The following RAB36 variants were observed in gnomAD, a reference collection of about 807,000 sequenced individuals.
The protein encoded by RAB36 is RAB36, member RAS oncogene family.
A neutral mutation model predicts 39.3 loss-of-function variants in RAB36; 33 were observed. The ratio of observed to expected loss-of-function variants is 0.84; its 90% CI spans 0.64 to 1.12. The LOEUF is 1.12. Ranked by LOEUF, RAB36 falls within the 50% of genes most tolerant of loss-of-function variation. The pLI is 0.00. For synonymous variants in RAB36, 133 were observed against 140.2 expected (o/e 0.95, Z 0.36); for missense variants, 308 against 355.3 (o/e 0.87, Z 1.07).
chr22:23,158,185 GAC>G, intron 7 of RAB36, 142 bp downstream of exon 7: 1 of 1,496,704 alleles, frequency 6.7e-7, no homozygotes, highest in East Asian at 2.3e-5. Context: ...GCTGCCCACG[GAC>G]TACTTACTGT....
chr22:23,166,156 A>G (rs2072048055), downstream of RAB36, among the ~76,000 whole-genome samples: 1 of 145,514 alleles, frequency 6.9e-6, no homozygotes, highest in Non-Finnish European at 1.5e-5. Flanking sequence ...TTAAAAAAAA[A>G]AAAAAAAAAA....
intron 6 of RAB36, 51 bp from the exon 7 acceptor site, chr22:23,157,941 T>TG: frequency 6.2e-7 from 1 of 1,611,864 alleles, no homozygotes; most frequent in Non-Finnish European, 8.5e-7. Flanking sequence ...GGAGCCCCCT[T>TG]GCTCGCCTCG....
chr22:23,160,296 C>T (rs139874688), intron 9 of RAB36, among the ~76,000 whole-genome samples: 7 of 152,222 alleles, frequency 4.6e-5, no homozygotes, highest in Non-Finnish European at 7.4e-5. Context: ...GTGAGTTCAC[C>T]GACAGCTCAC....
At chr22:23,155,470 T>C (rs1156676581) in intron 5 of RAB36, among the ~76,000 whole-genome samples, 1 of 152,174 alleles carries the variant, frequency 6.6e-6, no homozygotes, top group Non-Finnish European at 1.5e-5. Flanking sequence ...ATTGCTCCAG[T>C]GTTAGGTATC....
chr22:23,155,888 G>C, intron 5 of RAB36, 80 bp from the exon 6 acceptor site: 1 of 1,331,790 alleles, frequency 7.5e-7, no homozygotes, highest in Non-Finnish European at 1.0e-6. Flanking sequence ...TCCCACCCAT[G>C]GTCCCGTAGC....
chr22:23,168,176 C>T (rs1170349451), downstream of RAB36, among the ~76,000 whole-genome samples: 1 of 152,196 alleles, frequency 6.6e-6, no homozygotes, highest in Non-Finnish European at 1.5e-5. Flanking sequence ...CAGATGCCAG[C>T]CCGACCCCAT....
chr22:23,167,187 T>G (rs935554608), downstream of RAB36, among the ~76,000 whole-genome samples: 6 of 152,078 alleles, frequency 3.9e-5, no homozygotes, highest in Non-Finnish European at 5.9e-5. Context: ...TGGGGCTCAA[T>G]GTCTCTCAGT....
chr22:23,159,335 C>A, intron 9 of RAB36, 82 bp downstream of exon 9: 1 of 1,309,102 alleles, frequency 7.6e-7, no homozygotes, highest in South Asian at 1.4e-5. Context: ...TGCAGTGTTT[C>A]CCTCTGTAGC....
chr22:23,152,475 A>AGGT lies in RAB36; in HGVS notation c.186_188dup (p.Val63dup). On this transcript the variant is annotated inframe_insertion, in exon 4 of 11. Coordinates refer to ENST00000263116, the MANE Select transcript of RAB36 (RefSeq NM_004914.5). ...ATTTCTCACAGGCTCAAACTCTCCA[A>AGGT]GGTGGTGGTGGTTGGCGATCTCTAC... is the stretch of plus-strand genomic sequence containing the variant. The AGGT allele has an allele frequency of 6.2e-7, 1 of 1,614,174 alleles. No homozygotes were observed. The highest frequency in any genetic ancestry group is 8.5e-7 in the Non-Finnish European group (1 of 1,180,018).
Position 23,152,959 on chromosome 22 carries a change from G to A in RAB36, c.228-74G>A. On this transcript the variant is annotated intron_variant, in intron 4 of 10. Transcript: ENST00000263116. The stretch of plus-strand genomic sequence containing the variant: ...GTGGACCTTATTTGCCTAAAGACTT[G>A]CAGTGTTACAAGTGAAGCTTCCGGG... 4 of 1,054,030 alleles carry A rather than the reference G, an allele frequency of 3.8e-6. No homozygotes were observed. In the South Asian group the frequency reaches 5.2e-5, roughly 14 times the overall value. The allele number at this position is 1,054,030 out of a possible 1,614,324, so 65.3% of individuals were successfully genotyped here. A position where few individuals can be genotyped will look rare whatever the true frequency, so the allele number is the denominator to read the frequency against.
At position 23,161,611 on chromosome 22, in the gene RAB36, G is replaced by T; in HGVS notation, c.*47G>T. The T allele has an allele frequency of 6.7e-7, 1 of 1,485,622 alleles. No individual in the cohort carries two copies. The allele number at this position is 1,485,622 out of a possible 1,614,324, so 92.0% of individuals were successfully genotyped here. ...TCCGCTCCCTGCACACACACGGACA[G>T]GAATTTCCGTGACTGTGGTGTGGAG... is the stretch of plus-strand genomic sequence containing the variant. On this transcript the variant is annotated 3_prime_UTR_variant, in exon 11 of 11. Coordinates refer to ENST00000263116, the MANE Select transcript of RAB36 (RefSeq NM_004914.5).
chr22:23,152,482 G>A lies in RAB36; in HGVS notation c.183G>A (p.Val61=), dbSNP rs765557563. ...GTVGLKLSKV[V]VVGDLYVGKT... is the part of the protein sequence containing the mutation. ...ACAGGCTCAAACTCTCCAAGGTGGTGGTGGTTGGCGATCTCTACGTGGGGA... is the reference window on the plus strand; with the variant it reads ...ACAGGCTCAAACTCTCCAAGGTGGTAGTGGTTGGCGATCTCTACGTGGGGA... Residue 61 remains valine (V), a synonymous_variant, in exon 4 of 11, where the codon GTG becomes GTA. Transcript: ENST00000263116. 2 of 1,614,188 alleles carry A rather than the reference G, an allele frequency of 1.2e-6. No homozygotes were observed. The highest frequency in any genetic ancestry group is 1.7e-6 in the Non-Finnish European group (2 of 1,180,038).
chr22:23,152,982 G>T, intron 4 of RAB36, 51 bp from the exon 5 acceptor site: 1 of 1,307,802 alleles, frequency 7.6e-7, no homozygotes, highest in South Asian at 1.2e-5. Context: ...TGAAGCTTCC[G>T]GGCACATTTC....
intron 3 of RAB36, 60 bp downstream of exon 3, chr22:23,150,214 C>T: frequency 1.5e-6 from 2 of 1,330,956 alleles, no homozygotes; most frequent in South Asian, 2.5e-5. Flanking sequence ...GTGCATGAAG[C>T]ACGTGAAAGA....
chr22:23,147,822 T>G (rs1015148214), intron 2 of RAB36, among the ~76,000 whole-genome samples: 2 of 152,180 alleles, frequency 1.3e-5, no homozygotes, highest in African/African-American at 4.8e-5. Context: ...GGCAACCTCT[T>G]CAGGAGCTGA....
chr22:23,168,396 G>C (rs953699562), downstream of RAB36, among the ~76,000 whole-genome samples: 5 of 152,182 alleles, frequency 3.3e-5, no homozygotes, highest in Non-Finnish European at 7.4e-5. Flanking sequence ...ACATGTGGGG[G>C]GTTTCAGAGG....
At chr22:23,156,095 C>T in intron 6 of RAB36, 63 bp downstream of exon 6, 1 of 1,455,516 alleles carries the variant, frequency 6.9e-7, no homozygotes, top group Non-Finnish European at 9.4e-7. Context: ...CCGGGCTCCA[C>T]AGTGGGAATC....
Position 23,155,202 on chromosome 22 carries a change from A to T in RAB36, c.330-766A>T, listed in dbSNP as rs1431725987. Among the ~76,000 whole-genome samples, 3 of 152,210 alleles carry T rather than the reference A, an allele frequency of 2.0e-5. No individual in the cohort carries two copies. In the South Asian group the frequency reaches 6.2e-4, roughly 32 times the overall value. On this transcript the variant is annotated intron_variant, in intron 5 of 10. Coordinates refer to ENST00000263116, the MANE Select transcript of RAB36 (RefSeq NM_004914.5). Reference sequence around the variant, plus strand: ...CTTTGCAGTTTACTGAGAAAAGTTCAATTTTGATCAGTTGACCTCAAAAAG... The same window carrying T: ...CTTTGCAGTTTACTGAGAAAAGTTCTATTTTGATCAGTTGACCTCAAAAAG...
downstream of RAB36, among the ~76,000 whole-genome samples, chr22:23,166,448 AAAGCAAGGGCTTTCTCCCT>A (rs563205075): frequency 1.2e-3 from 184 of 152,106 alleles, no homozygotes; most frequent in African/African-American, 4.3e-3. Context: ...GTCCTGAGGC[AAAGCAAGGGCTTTCTCCCT>A]AAGCAACAGC....
Sources: gnomAD v4.1 joint callset for allele counts (sites outside exome capture counted in the v4.1 genomes callset) on GRCh38, gnomAD v4.1.1 for gene constraint, MANE v1.5 for transcripts, NCBI Gene and HGNC (gene_info 2026-07-23, HGNC 2026-07-21) for gene names.